The following PLXNA4 variants were observed in gnomAD, a reference collection of about 807,000 sequenced individuals.
The protein encoded by PLXNA4 is plexin A4, also known as plexin-A4.
In PLXNA4, 44 loss-of-function variants were observed where a neutral mutation model predicts 191.8. That is an observed-to-expected ratio of 0.23 (90% confidence interval 0.18 to 0.29). The LOEUF (loss-of-function observed/expected upper bound fraction) is 0.29. Among genes scored for constraint, PLXNA4 ranks in the 10% least tolerant of loss-of-function variants. PLXNA4 has a pLI of 1.00. For missense variants in PLXNA4, 1,800 were observed against 2,488.8 expected (o/e 0.72, Z 5.89); for synonymous variants, 1,082 against 1,009.5 (o/e 1.07, Z -1.36).
At chr7:132,551,283 C>A (rs1314793954) in intron 1 of PLXNA4, among the ~76,000 whole-genome samples, 1 of 152,124 alleles carries the variant, frequency 6.6e-6, no homozygotes, top group Non-Finnish European at 1.5e-5. Flanking sequence ...AATTGAGAAG[C>A]CCTTAACAGG....
intron 2 of PLXNA4, among the ~76,000 whole-genome samples, chr7:132,606,367 G>A (rs1802923813): frequency 1.3e-5 from 2 of 152,166 alleles, no homozygotes; most frequent in Admixed American, 6.5e-5. Context: ...GTCAGCCCCA[G>A]GAAAATAGTA....
At chr7:132,304,336 C>T (rs2116538567) in intron 3 of PLXNA4, among the ~76,000 whole-genome samples, 1 of 152,260 alleles carries the variant, frequency 6.6e-6, no homozygotes, top group East Asian at 1.9e-4. Context: ...TCCAGAACAG[C>T]ACTGGACAAT....
chr7:132,550,615 T>C (rs996211285), intron 1 of PLXNA4, among the ~76,000 whole-genome samples: 1 of 152,216 alleles, frequency 6.6e-6, no homozygotes, highest in Non-Finnish European at 1.5e-5. Context: ...TTATTTTGTA[T>C]TTGCAAGGCA....
rs1276483560 is a variant in PLXNA4 at position 132,128,355 on chromosome 7, C to CCATCTGTCCTCTGCGATGT, written c.*2105_*2123dup. On this transcript the variant is annotated 3_prime_UTR_variant, in exon 32 of 32. Coordinates refer to ENST00000321063, the MANE Select transcript of PLXNA4 (RefSeq NM_020911.2). ...CATTAGGTTGCTCATGTCTTTTCCA[C>CCATCTGTCCTCTGCGATGT]CATCTGTCCTCTGCGATGTCACATG... is the stretch of plus-strand genomic sequence containing the variant. 6.6e-6 allele frequency: 1 copy of CCATCTGTCCTCTGCGATGT among 152,236 alleles called. No homozygotes were observed. The highest frequency in any genetic ancestry group is 2.4e-5 in the African/African-American group (1 of 41,452). 9.4% of individuals were successfully genotyped at this position (152,236 alleles called of 1,614,324 possible).
At chr7:132,431,495 C>A (rs1371500329) in intron 3 of PLXNA4, among the ~76,000 whole-genome samples, 2 of 151,912 alleles carry the variant, frequency 1.3e-5, no homozygotes, top group African/African-American at 2.4e-5. Context: ...AAACTCATAG[C>A]CCCAACACTG....
At chr7:132,296,370 G>A (rs548560277) in intron 4 of PLXNA4, among the ~76,000 whole-genome samples, 1 of 152,146 alleles carries the variant, frequency 6.6e-6, no homozygotes, top group Admixed American at 6.5e-5. Context: ...TCAGAATGCT[G>A]ACTCAGTTCT....
intron 2 of PLXNA4, among the ~76,000 whole-genome samples, chr7:132,498,758 G>A (rs1291600544): frequency 3.3e-5 from 5 of 152,068 alleles, no homozygotes; most frequent in African/African-American, 1.2e-4. Flanking sequence ...TTTGCTTCTG[G>A]GCATCTCAAA....
At chr7:132,449,311 C>T (rs1796030940) in intron 3 of PLXNA4, among the ~76,000 whole-genome samples, 1 of 152,192 alleles carries the variant, frequency 6.6e-6, no homozygotes, top group Non-Finnish European at 1.5e-5. Context: ...TAACTTGGCC[C>T]CTGACTACAT....
chr7:132,325,251 T>C (rs1407472085), intron 3 of PLXNA4, among the ~76,000 whole-genome samples: 2 of 152,192 alleles, frequency 1.3e-5, no homozygotes, highest in Admixed American at 1.3e-4. Flanking sequence ...CCTCAGAGCA[T>C]TGAAGAAGCT....
chr7:132,288,333 G>C (rs921424806), intron 4 of PLXNA4, among the ~76,000 whole-genome samples: 1 of 152,308 alleles, frequency 6.6e-6, no homozygotes, highest in East Asian at 1.9e-4. Flanking sequence ...TTCCCCTCTG[G>C]TTCCTCCAGT....
At chr7:132,273,355 C>A (rs1479423863) in intron 4 of PLXNA4, among the ~76,000 whole-genome samples, 1 of 151,460 alleles carries the variant, frequency 6.6e-6, no homozygotes, top group Non-Finnish European at 1.5e-5. Context: ...CACACACACA[C>A]ACGCACGCAC....
intron 3 of PLXNA4, chr7:132,384,551 G>A (rs1175958763): frequency 7.1e-6 from 7 of 986,700 alleles, no homozygotes; most frequent in Non-Finnish European, 8.4e-6. Context: ...TTTTTTGGGT[G>A]CTCTCCTGGA....
At chr7:132,406,328 T>G (rs535797396) in intron 3 of PLXNA4, among the ~76,000 whole-genome samples, 1 of 152,230 alleles carries the variant, frequency 6.6e-6, no homozygotes, top group Non-Finnish European at 1.5e-5. Context: ...CTCACGCACT[T>G]CAAGAACTTC....
chr7:132,130,334 A>G lies in PLXNA4; in HGVS notation c.*145T>C. The G allele has an allele frequency of 8.7e-7, 1 of 1,143,998 alleles. No individual in the cohort carries two copies. Among genetic ancestry groups the G allele is most frequent in the Non-Finnish European group, 1.2e-6 (1 of 805,474 alleles). 70.9% of individuals were successfully genotyped at this position (1,143,998 alleles called of 1,614,324 possible). On this transcript the variant is annotated 3_prime_UTR_variant, in exon 32 of 32. Transcript: ENST00000321063. ...ATCCAGGAAGGAGGGAGAAACGGAA[A>G]GAGGCAGAGAGAAAGAGAGAGAAAC...
chr7:132,543,765 C>G (rs765824299), intron 1 of PLXNA4, among the ~76,000 whole-genome samples: 3 of 152,214 alleles, frequency 2.0e-5, no homozygotes, highest in Non-Finnish European at 4.4e-5. Context: ...CAAAGGAGTT[C>G]TCCTTGGGAG....
intron 3 of PLXNA4, among the ~76,000 whole-genome samples, chr7:132,426,345 C>T (rs1795044120): frequency 6.6e-6 from 1 of 152,172 alleles, no homozygotes; most frequent in Non-Finnish European, 1.5e-5. Flanking sequence ...GGTTGCCGGG[C>T]AGGAGTTAGG....
chr7:132,374,821 T>C (rs948681114), intron 3 of PLXNA4, among the ~76,000 whole-genome samples: 20 of 152,152 alleles, frequency 1.3e-4, no homozygotes, highest in African/African-American at 4.8e-4. Flanking sequence ...CTCCAACAAA[T>C]TCACTCTTAA....
rs768212813 is a variant in PLXNA4 at position 132,508,130 on chromosome 7, T to A, written c.564A>T (p.Ala188=). The A allele has an allele frequency of 1.9e-6, 3 of 1,614,102 alleles. No homozygotes were observed. The highest frequency in any genetic ancestry group is 2.5e-6 in the Non-Finnish European group (3 of 1,180,044). Reference sequence around the variant, plus strand: ...GAAAATACTCGGGCTTCCCATCCACTGCCGTGGCAATGAACAGCTTGTCAT... The same window carrying A: ...GAAAATACTCGGGCTTCCCATCCACAGCCGTGGCAATGAACAGCTTGTCAT... ...NLDDKLFIAT[A]VDGKPEYFPT... Residue 188 remains alanine (A), a synonymous_variant, in exon 2 of 32, where the codon GCA becomes GCT. Coordinates refer to ENST00000321063, the MANE Select transcript of PLXNA4 (RefSeq NM_020911.2). The surrounding 1 kb of genome is among the most constrained non-coding windows in gnomAD (Gnocchi z 4.4).
intron 3 of PLXNA4, among the ~76,000 whole-genome samples, chr7:132,408,448 C>CTGTATTTA (rs1794312659): frequency 6.7e-6 from 1 of 149,394 alleles, no homozygotes; most frequent in Non-Finnish European, 1.5e-5. Flanking sequence ...CACAAAAACA[C>CTGTATTTA]TTTATTTATT....
Sources: allele counts gnomAD v4.1 joint callset (sites outside exome capture counted in the v4.1 genomes callset), GRCh38; gene constraint gnomAD v4.1.1; non-coding constraint Gnocchi (gnomAD v3.1); transcripts MANE v1.5; gene names NCBI Gene and HGNC (gene_info 2026-07-23, HGNC 2026-07-21).